PRKN: variants seen among roughly 807,000 people sequenced by gnomAD.
The protein encoded by PRKN is E3 ubiquitin-protein ligase parkin.
In PRKN, 56 loss-of-function variants were observed where a neutral mutation model predicts 59.5. The ratio of observed to expected loss-of-function variants is 0.94; its 90% confidence interval spans 0.76 to 1.18. The LOEUF (loss-of-function observed/expected upper bound fraction) is 1.18. PRKN is among the 50% of genes most tolerant of loss of function. The pLI, the probability that PRKN is intolerant of heterozygous loss-of-function variation, is 0.00. For missense variants in PRKN, 657 were observed against 596.4 expected (o/e 1.10, Z -1.06); for synonymous variants, 250 against 222.1 (o/e 1.13, Z -1.12).
At chr6:162,021,459 A>AT (rs1334765091) in intron 5 of PRKN, among the ~76,000 whole-genome samples, 147 of 33,874 alleles carry the variant, frequency 4.3e-3, no homozygotes, top group East Asian at 0.032. Context: ...ATATATATAT[A>AT]TATTTTTTTT....
rs1029466060 is a variant in PRKN at position 161,527,835 on chromosome 6, C to G, written c.1083+21019G>C. ...GCCACTGAATCAGCTGTCTGAAGAA[C>G]CCTTGCGGGAGACTGATGGACCTTC... On this transcript the variant is annotated intron_variant, in intron 9 of 11. Coordinates refer to ENST00000366898, the MANE Select transcript of PRKN (RefSeq NM_004562.3). The surrounding 1 kb of genome is among the most constrained non-coding windows in gnomAD (Gnocchi z 4.6). 2.6e-4 allele frequency among the ~76,000 whole-genome samples: 40 copies of G among 152,156 alleles called. 1 individual carries two copies. The highest frequency in any genetic ancestry group is 8.9e-4 in the African/African-American group (37 of 41,444).
chr6:161,658,101 T>C (rs1399954846), intron 7 of PRKN, among the ~76,000 whole-genome samples: 1 of 151,356 alleles, frequency 6.6e-6, no homozygotes, highest in Non-Finnish European at 1.5e-5. Flanking sequence ...GTCACACAAA[T>C]TTCAGCCACA....
Position 161,349,980 on chromosome 6 carries a change from A to C in PRKN, c.*119T>G. ...GTAGTTGGACTTTGAAAAAAACTTGAAGAGTGTGTGTGCGCGCGCGCGCGT... is the reference window on the plus strand; with the variant it reads ...GTAGTTGGACTTTGAAAAAAACTTGCAGAGTGTGTGTGCGCGCGCGCGCGT... On this transcript the variant is annotated 3_prime_UTR_variant, in exon 12 of 12. Coordinates refer to ENST00000366898, the MANE Select transcript of PRKN (RefSeq NM_004562.3). The surrounding 1 kb of genome is among the most constrained non-coding windows in gnomAD (Gnocchi z 5.5). 1.4e-6 allele frequency: 1 copy of C among 739,582 alleles called. No homozygotes were observed. The highest frequency in any genetic ancestry group is 2.7e-5 in the East Asian group (1 of 36,962). The allele number at this position is 739,582 out of a possible 1,614,324, so 45.8% of individuals were successfully genotyped here. A position where few individuals can be genotyped will look rare whatever the true frequency, so the allele number is the denominator to read the frequency against.
chr6:161,964,901 CAAAG>C (rs1366173462), intron 6 of PRKN, among the ~76,000 whole-genome samples: 1 of 151,986 alleles, frequency 6.6e-6, no homozygotes, highest in African/African-American at 2.4e-5. Flanking sequence ...ATCAGACTGA[CAAAG>C]AACTTACACA....
chr6:161,538,844 C>A lies in PRKN; in HGVS notation c.1083+10010G>T, dbSNP rs576194296. Among the ~76,000 whole-genome samples, 38 of 152,232 alleles carry A rather than the reference C, an allele frequency of 2.5e-4. No individual in the cohort carries two copies. Among genetic ancestry groups the A allele is most frequent in the Admixed American group, 2.1e-3 (32 of 15,302 alleles). The stretch of plus-strand genomic sequence containing the variant: ...CTTTCCCAGTGGAATGTTGGACAAG[C>A]GAGAGAAATGCCTGTCACTCTAGTC... On this transcript the variant is annotated intron_variant, in intron 9 of 11. Transcript: ENST00000366898. This position sits in a 1 kb window ranked among gnomAD's most constrained non-coding sequence, Gnocchi z 4.2.
chr6:162,689,763 G>A (rs896892279), intron 1 of PRKN, among the ~76,000 whole-genome samples: 1 of 152,208 alleles, frequency 6.6e-6, no homozygotes, highest in East Asian at 1.9e-4. Context: ...TTAAATAACA[G>A]GGGCAACAGG....
chr6:162,538,163 C>T (rs975090186), intron 1 of PRKN, among the ~76,000 whole-genome samples: 3 of 152,174 alleles, frequency 2.0e-5, no homozygotes, highest in South Asian at 2.1e-4. Flanking sequence ...CTTTGAGAGG[C>T]CAAGGCGGGT....
chr6:162,292,154 A>G (rs962343829), intron 2 of PRKN, among the ~76,000 whole-genome samples: 3 of 151,780 alleles, frequency 2.0e-5, no homozygotes, highest in Non-Finnish European at 4.4e-5. Flanking sequence ...AGTAGAGACA[A>G]GGTTTCACTA....
At chr6:162,036,945 GC>G (rs1291457675) in intron 5 of PRKN, among the ~76,000 whole-genome samples, 6 of 152,010 alleles carry the variant, frequency 3.9e-5, no homozygotes, top group African/African-American at 9.7e-5. Flanking sequence ...TTGGAGAAAG[GC>G]AATTTTACAT....
At chr6:162,373,035 T>G (rs1169412769) in intron 2 of PRKN, among the ~76,000 whole-genome samples, 1 of 152,080 alleles carries the variant, frequency 6.6e-6, no homozygotes, top group East Asian at 1.9e-4. Context: ...TTCCCTTCCC[T>G]AGCACTAAAA....
intron 6 of PRKN, among the ~76,000 whole-genome samples, chr6:161,932,085 T>C (rs1779186787): frequency 6.6e-6 from 1 of 152,002 alleles, no homozygotes; most frequent in Admixed American, 6.6e-5. Context: ...AAACTTCTAA[T>C]CCTTTAAATA....
At chr6:161,810,369 T>C (rs1032703446) in intron 6 of PRKN, among the ~76,000 whole-genome samples, 7 of 152,226 alleles carry the variant, frequency 4.6e-5, no homozygotes, top group Admixed American at 1.3e-4. Flanking sequence ...GTAGGCAGCC[T>C]GAGCAAACTA....
rs76651694 is a variant in PRKN, at chr6:162,350,977, A to G, written c.172-88212T>C. On this transcript the variant is annotated intron_variant, in intron 2 of 11. Transcript: ENST00000366898. ...CACATGCAGAACTCAATGGTAAGAAAACAACTCACCATCCTGGGCAACAGA... is the reference window on the plus strand; with the variant it reads ...CACATGCAGAACTCAATGGTAAGAAGACAACTCACCATCCTGGGCAACAGA... 8.2e-3 allele frequency among the ~76,000 whole-genome samples: 1,244 copies of G among 152,192 alleles called. 18 individuals carry two copies. Among genetic ancestry groups the G allele is most frequent in the African/African-American group, 0.028 (1,164 of 41,546 alleles).
intron 2 of PRKN, among the ~76,000 whole-genome samples, chr6:162,268,702 G>T (rs183078958): frequency 6.6e-6 from 1 of 152,124 alleles, no homozygotes; most frequent in Non-Finnish European, 1.5e-5. Context: ...CCCAGCTCCC[G>T]AGTGTGAAGC....
At chr6:162,457,203 A>C (rs1790919287) in intron 1 of PRKN, among the ~76,000 whole-genome samples, 1 of 152,206 alleles carries the variant, frequency 6.6e-6, no homozygotes, top group African/African-American at 2.4e-5. Flanking sequence ...CCCGTGAAAA[A>C]TGAAGATTAA....
intron 1 of PRKN, among the ~76,000 whole-genome samples, chr6:162,718,712 CAAA>C (rs925703015): frequency 1.4e-5 from 2 of 139,058 alleles, no homozygotes; most frequent in South Asian, 2.3e-4. Context: ...GACTCCGTCT[CAAA>C]AAAAAAAAAA....
rs1785875932 is a variant in PRKN, at chr6:161,379,497, G to A, written c.1167+7297C>T. The stretch of plus-strand genomic sequence containing the variant: ...AGGGGCAGACGACAGCAGATGCTGT[G>A]AGGCTGGCCAGACCCCTCCTCCAGG... On this transcript the variant is annotated intron_variant, in intron 10 of 11. Coordinates refer to ENST00000366898, the MANE Select transcript of PRKN (RefSeq NM_004562.3). This position sits in a 1 kb window ranked among gnomAD's most constrained non-coding sequence, Gnocchi z 4.9. 6.6e-6 allele frequency among the ~76,000 whole-genome samples: 1 copy of A among 152,194 alleles called. No homozygotes were observed. Among genetic ancestry groups the A allele is most frequent in the African/African-American group, 2.4e-5 (1 of 41,436 alleles).
intron 7 of PRKN, among the ~76,000 whole-genome samples, chr6:161,643,697 A>C (rs1202449703): frequency 6.6e-6 from 1 of 152,234 alleles, no homozygotes; most frequent in East Asian, 1.9e-4. Flanking sequence ...GAGGGACATC[A>C]GTGTCATCTC....
intron 2 of PRKN, chr6:162,265,354 T>C (rs1024253950): frequency 2.6e-5 from 4 of 152,106 alleles, no homozygotes; most frequent in African/African-American, 9.7e-5. Context: ...GCAGATGTGG[T>C]TGAACCAGGG....
Sources: gnomAD v4.1 joint callset for allele counts (sites outside exome capture counted in the v4.1 genomes callset) on GRCh38, gnomAD v4.1.1 for gene constraint, Gnocchi (gnomAD v3.1) non-coding constraint, MANE v1.5 for transcripts, NCBI Gene and HGNC (gene_info 2026-07-23, HGNC 2026-07-21) for gene names.